LANCL1: variants seen among roughly 807,000 people sequenced by gnomAD.
LANCL1 encodes glutathione S-transferase LANCL1.
In LANCL1, 50 loss-of-function variants were observed where a neutral mutation model predicts 50.6. The ratio of observed to expected loss-of-function variants is 0.99; its 90% CI spans 0.79 to 1.25. LANCL1 has a LOEUF of 1.25. Ranked by LOEUF, LANCL1 falls within the 50% of genes most tolerant of loss-of-function variation. LANCL1 has a pLI of 0.00. For missense variants in LANCL1, 532 were observed against 480.7 expected (o/e 1.11, Z -1.00); for synonymous variants, 188 against 178.6 (o/e 1.05, Z -0.42).
At chr2:210,456,541 G>C (rs920219900) in intron 3 of LANCL1, among the ~76,000 whole-genome samples, 4 of 151,714 alleles carry the variant, frequency 2.6e-5, no homozygotes, top group Admixed American at 1.3e-4. Context: ...CAATGCTTAA[G>C]GTTTGTAGAC....
intron 3 of LANCL1, among the ~76,000 whole-genome samples, chr2:210,467,209 G>A (rs912519798): frequency 4.6e-5 from 7 of 152,312 alleles, no homozygotes; most frequent in African/African-American, 1.7e-4. Context: ...TATGGTATGG[G>A]CACTGACACT....
Position 210,435,438 on chromosome 2 carries a change from A to T in LANCL1, c.1072T>A (p.Tyr358Asn), listed in dbSNP as rs770241294. 8 of 1,613,662 alleles carry T rather than the reference A, an allele frequency of 5.0e-6. No homozygotes were observed. Among genetic ancestry groups the T allele is most frequent in the Non-Finnish European group, 4.2e-6 (5 of 1,179,670 alleles). Residue 358 changes from tyrosine to asparagine, a missense_variant, in exon 9 of 10, where the codon TAT becomes AAT. Tyr to Asn is a moderately radical substitution (Grantham distance 143). Transcript: ENST00000450366. ...ACKFAEWCLE[Y>N]GEHGCRTPDT... The stretch of plus-strand genomic sequence containing the variant: ...GGTGTTCTGCATCCATGTTCTCCAT[A>T]CTCTAAGCACCATTCAGCAAACTGA...
At chr2:210,471,918 A>T in intron 3 of LANCL1, 41 bp downstream of exon 3, 1 of 1,385,010 alleles carries the variant, frequency 7.2e-7, no homozygotes, top group Non-Finnish European at 1.0e-6. Flanking sequence ...TCTGGCTCTT[A>T]AGCACAATGC....
intron 7 of LANCL1, among the ~76,000 whole-genome samples, 168 bp downstream of exon 7, chr2:210,437,522 C>G (rs973202838): frequency 3.3e-5 from 5 of 152,020 alleles, no homozygotes; most frequent in Non-Finnish European, 1.5e-5. Flanking sequence ...ACAATGGCTG[C>G]TATGGTACAG....
intron 3 of LANCL1, among the ~76,000 whole-genome samples, chr2:210,459,440 A>G (rs1009719324): frequency 6.6e-6 from 1 of 152,178 alleles, no homozygotes; most frequent in Non-Finnish European, 1.5e-5. Flanking sequence ...TGCAGTGTCC[A>G]GTATGATACC....
chr2:210,458,562 T>C (rs1266320797), intron 3 of LANCL1, among the ~76,000 whole-genome samples: 1 of 152,124 alleles, frequency 6.6e-6, no homozygotes, highest in Admixed American at 6.5e-5. Flanking sequence ...GGTGGTGCAA[T>C]ACAGATCTTG....
intron 9 of LANCL1, among the ~76,000 whole-genome samples, chr2:210,434,974 T>C (rs1332908316): frequency 6.6e-6 from 1 of 152,158 alleles, no homozygotes; most frequent in Non-Finnish European, 1.5e-5. Context: ...AGATCACTAG[T>C]GAGGTGTTCA....
Position 210,472,300 on chromosome 2 carries a change from A to C in LANCL1, c.82-224T>G, listed in dbSNP as rs528228518. 3.3e-5 allele frequency among the ~76,000 whole-genome samples: 5 copies of C among 152,340 alleles called. No homozygotes were observed. In the South Asian group the frequency reaches 8.3e-4, roughly 25 times the overall value. ...ATGTTTTAAATAAAATTTTTAGTTAAATACTAAAACAGACTGCCAATGATA... is the reference window on the plus strand; with the variant it reads ...ATGTTTTAAATAAAATTTTTAGTTACATACTAAAACAGACTGCCAATGATA... On this transcript the variant is annotated intron_variant, in intron 2 of 9. Coordinates refer to ENST00000450366, the MANE Select transcript of LANCL1 (RefSeq NM_006055.3).
chr2:210,463,305 G>A (rs924904154), intron 3 of LANCL1, among the ~76,000 whole-genome samples: 3 of 152,024 alleles, frequency 2.0e-5, no homozygotes, highest in Non-Finnish European at 2.9e-5. Context: ...CCGCCTCCTG[G>A]ATTCAAGCGA....
chr2:210,452,662 T>C (rs551403001), intron 4 of LANCL1, among the ~76,000 whole-genome samples: 10 of 152,284 alleles, frequency 6.6e-5, no homozygotes, highest in African/African-American at 2.4e-4. Context: ...GGCCCAAGGT[T>C]AAGAATATGT....
In LANCL1 at chr2:210,433,239, A is replaced by C. The variant is rs1692805685; in HGVS notation, c.*1248T>G. 6.6e-6 allele frequency: 1 copy of C among 152,508 alleles called. No homozygotes were observed. Among genetic ancestry groups the C allele is most frequent in the Non-Finnish European group, 1.5e-5 (1 of 68,026 alleles). 9.4% of individuals were successfully genotyped at this position (152,508 alleles called of 1,614,324 possible). On this transcript the variant is annotated 3_prime_UTR_variant, in exon 10 of 10. Coordinates refer to ENST00000450366, the MANE Select transcript of LANCL1 (RefSeq NM_006055.3). ...TGATGAGTCAAAACACTTGAACAGA[A>C]TTTGAAGCACCAGAGAGTCTTTATC...
At chr2:210,437,946 GA>G in intron 6 of LANCL1, 74 bp from the exon 7 acceptor site, 8 of 1,083,934 alleles carry the variant, frequency 7.4e-6, no homozygotes, top group African/African-American at 1.6e-5. Flanking sequence ...ATTTAAACCA[GA>G]AAAAAAGCAT....
At chr2:210,457,055 T>C (rs1454274714) in intron 3 of LANCL1, among the ~76,000 whole-genome samples, 1 of 152,206 alleles carries the variant, frequency 6.6e-6, no homozygotes. Flanking sequence ...CACAATCTCA[T>C]GTTCCAGTTC....
Position 210,455,129 on chromosome 2 carries a change from G to A in LANCL1, c.385C>T (p.Gln129Ter). 6.2e-7 allele frequency: 1 copy of A among 1,613,486 alleles called. No homozygotes were observed. The highest frequency in any genetic ancestry group is 2.2e-5 in the East Asian group (1 of 44,866). The change falls in exon 4 of 10, where the codon CAG becomes TAG. Residue 129 changes from glutamine (Q) to a stop codon, truncating the protein, a stop_gained. Transcript: ENST00000450366. LOFTEE classifies it high-confidence loss of function. ...VLYHKMNNEK[Q>*]AEDCITRLIH... ...TACCGTGTGATGCAATCTTCTGCCT[G>A]CTTCTCATTGTTCATCTTGTGATAT... is the stretch of plus-strand genomic sequence containing the variant.
intron 3 of LANCL1, among the ~76,000 whole-genome samples, chr2:210,464,469 AAT>A (rs869113545): frequency 9.7e-6 from 1 of 103,620 alleles, no homozygotes; most frequent in Non-Finnish European, 2.1e-5. Context: ...CAGATTTAAA[AAT>A]ATATATATAT....
intron 4 of LANCL1, among the ~76,000 whole-genome samples, chr2:210,451,176 G>A (rs967735226): frequency 6.6e-6 from 1 of 152,180 alleles, no homozygotes; most frequent in African/African-American, 2.4e-5. Context: ...CATGTCCTTT[G>A]CAGGGACATG....
In LANCL1 at chr2:210,434,356, C is replaced by A; in HGVS notation, c.*131G>T. 2 of 631,530 alleles carry A rather than the reference C, an allele frequency of 3.2e-6. No individual in the cohort carries two copies. Among genetic ancestry groups the A allele is most frequent in the East Asian group, 2.8e-5 (1 of 36,218 alleles). 39.1% of individuals were successfully genotyped at this position (631,530 alleles called of 1,614,324 possible). ...AAGGGAACTGAATGAAAGATAAATT[C>A]TGAAAAAAGCTAACAAAATCAAGTC... On this transcript the variant is annotated 3_prime_UTR_variant, in exon 10 of 10. Transcript: ENST00000450366.
intron 4 of LANCL1, among the ~76,000 whole-genome samples, chr2:210,446,591 G>A (rs998408192): frequency 5.3e-5 from 8 of 151,838 alleles, no homozygotes; most frequent in Non-Finnish European, 7.4e-5. Context: ...CCAAATGCAT[G>A]GAAGTTAAGA....
chr2:210,476,447 G>A lies in LANCL1; in HGVS notation c.-16-35C>T, dbSNP rs768952163. 7 of 1,582,526 alleles carry A rather than the reference G, an allele frequency of 4.4e-6. No individual in the cohort carries two copies. The East Asian group carries it at 1.1e-4, about 26-fold the overall frequency. On this transcript the variant is annotated intron_variant, in intron 1 of 9. Coordinates refer to ENST00000450366, the MANE Select transcript of LANCL1 (RefSeq NM_006055.3). Reference sequence around the variant, plus strand: ...AGGGGAAAAACAGAAACTAGGTTGAGATAGGGGCCTCGGCCGAGTTGCGAG... The same window carrying A: ...AGGGGAAAAACAGAAACTAGGTTGAAATAGGGGCCTCGGCCGAGTTGCGAG...
Sources: gnomAD v4.1 joint callset for allele counts (sites outside exome capture counted in the v4.1 genomes callset) on GRCh38, gnomAD v4.1.1 for gene constraint, MANE v1.5 for transcripts, NCBI Gene and HGNC (gene_info 2026-07-23, HGNC 2026-07-21) for gene names.